The following PRRC2B variants were observed in gnomAD, a reference collection of about 807,000 sequenced individuals.
PRRC2B encodes the protein proline rich coiled-coil 2B, also known as protein PRRC2B.
A neutral mutation model predicts 242.3 loss-of-function variants in PRRC2B; 68 were observed. The observed-to-expected ratio is 0.28, with a 90% CI of 0.23 to 0.34. The LOEUF (loss-of-function observed/expected upper bound fraction) is 0.34. PRRC2B is among the 10% of genes least tolerant of loss of function. The pLI is 1.00. For missense variants in PRRC2B, 2,835 were observed against 2,954.8 expected, an observed-to-expected ratio of 0.96 and a Z score of 0.94; for synonymous variants, 1,228 against 1,173.6, an observed-to-expected ratio of 1.05 and a Z score of -0.95.
intron 26 of PRRC2B, 25 bp downstream of exon 26, chr9:131,486,207 T>C (rs1455119573): frequency 2.0e-6 from 3 of 1,492,252 alleles, no homozygotes; most frequent in Non-Finnish European, 2.8e-6. Context: ...CCAGGTGGCC[T>C]GGCTGGGGGT....
At chr9:131,407,495 T>A (rs1837397539) in intron 1 of PRRC2B, among the ~76,000 whole-genome samples, 1 of 152,146 alleles carries the variant, frequency 6.6e-6, no homozygotes, top group African/African-American at 2.4e-5. Flanking sequence ...CCCTGGCCCT[T>A]ATTTTGGATC....
chr9:131,491,200 A>G (rs1478397860), intron 28 of PRRC2B: 5 of 486,772 alleles, frequency 1.0e-5, no homozygotes, highest in African/African-American at 2.0e-5. Context: ...CTCACCACCT[A>G]CTCTATTCCA....
intron 11 of PRRC2B, among the ~76,000 whole-genome samples, chr9:131,462,854 A>AAAAAG (rs1468302610): frequency 6.6e-6 from 1 of 151,564 alleles, no homozygotes; most frequent in Non-Finnish European, 1.5e-5. Flanking sequence ...AAAAAAAAAA[A>AAAAAG]AAGGTCTCAG....
rs537862503 is a variant in PRRC2B, at chr9:131,477,758, C to A, written c.4421C>A (p.Ala1474Asp). The A allele has an allele frequency of 6.2e-7, 1 of 1,604,952 alleles. No individual in the cohort carries two copies. Among genetic ancestry groups the A allele is most frequent in the Non-Finnish European group, 8.5e-7 (1 of 1,175,040 alleles). Residue 1474 changes from alanine to aspartate, a missense_variant, in exon 17 of 32, where the codon GCC (alanine) becomes GAC (aspartate). Ala to Asp is a moderately radical substitution (Grantham distance 126). Around this residue, in one of 7 missense-constraint regions of PRRC2B, gnomAD observed 1,536 missense variants for 1,483.1 expected, o/e 1.04. Transcript: ENST00000683519. ...PLKVKRSPDEALPGGLSGCSS... is the reference protein window; with the variant it reads ...PLKVKRSPDEDLPGGLSGCSS... Reference sequence around the variant, plus strand: ...TTCCCTTACAGATCCCCAGACGAGGCCTTGCCTGGAGGTCTTAGTGGCTGC... The same window carrying A: ...TTCCCTTACAGATCCCCAGACGAGGACTTGCCTGGAGGTCTTAGTGGCTGC...
At chr9:131,485,880 C>G in intron 25 of PRRC2B, 3 of 717,116 alleles carry the variant, frequency 4.2e-6, no homozygotes, top group South Asian at 1.4e-5. Context: ...TGCACCCTCC[C>G]TACGTTCCCT....
chr9:131,468,606 C>T (rs969769632), intron 13 of PRRC2B, among the ~76,000 whole-genome samples: 5 of 152,086 alleles, frequency 3.3e-5, no homozygotes, highest in African/African-American at 1.2e-4. Context: ...AGTAAGGGAA[C>T]ACAGTAGTCA....
At chr9:131,443,568 G>C (rs1036759109) in intron 5 of PRRC2B, among the ~76,000 whole-genome samples, 1 of 151,982 alleles carries the variant, frequency 6.6e-6, no homozygotes, top group Non-Finnish European at 1.5e-5. Flanking sequence ...TGAGTAGTTG[G>C]GACTACAGGC....
rs749162469 is a variant in PRRC2B, at chr9:131,487,888, C to A, written c.6017C>A (p.Pro2006Gln). 6.2e-7 allele frequency: 1 copy of A among 1,612,526 alleles called. No homozygotes were observed. Among genetic ancestry groups the A allele is most frequent in the East Asian group, 2.2e-5 (1 of 44,800 alleles). ...SQVYMHPSLS[P>Q]PSTMILSGGT... ...GTGTACATGCACCCCAGCCTGTCAC[C>A]GCCCAGCACCATGATCCTCTCTGGG... Residue 2006 changes from proline (P) to glutamine (Q), a missense_variant, in exon 28 of 32, where the codon CCG (proline) becomes CAG (glutamine). This residue lies in a region of PRRC2B where 574 missense variants were observed against 626.0 expected (regional missense o/e 0.92). Transcript: ENST00000683519. This position sits in a 1 kb window ranked among gnomAD's most constrained non-coding sequence, Gnocchi z 5.3.
rs987681378 is a variant in PRRC2B at position 131,494,292 on chromosome 9, C to T, written c.6474-113C>T. On this transcript the variant is annotated intron_variant, in intron 30 of 31. Coordinates refer to ENST00000683519, the MANE Select transcript of PRRC2B (RefSeq NM_013318.4). The surrounding 1 kb of genome is among the most constrained non-coding windows in gnomAD (Gnocchi z 4.3). Reference sequence around the variant, plus strand: ...AGATCCACGGACCGTCCCGAGTGAGCGCCTCTGGCCGCAGGCCCTTCCTTC... The same window carrying T: ...AGATCCACGGACCGTCCCGAGTGAGTGCCTCTGGCCGCAGGCCCTTCCTTC... 32 of 627,172 alleles carry T rather than the reference C, an allele frequency of 5.1e-5. No homozygotes were observed. The highest frequency in any genetic ancestry group is 7.7e-5 in the Non-Finnish European group (27 of 350,092). 38.9% of individuals were successfully genotyped at this position (627,172 alleles called of 1,614,324 possible). A position where few individuals can be genotyped will look rare whatever the true frequency, so the allele number is the denominator to read the frequency against.
At chr9:131,417,372 T>G (rs1027368954) in intron 1 of PRRC2B, among the ~76,000 whole-genome samples, 5 of 152,020 alleles carry the variant, frequency 3.3e-5, no homozygotes, top group Non-Finnish European at 7.4e-5. Context: ...AAGTCTAGAC[T>G]TCTCTTGTTT....
At chr9:131,420,480 T>TCTTTCTTTC (rs1837790191) in intron 1 of PRRC2B, among the ~76,000 whole-genome samples, 1 of 14,696 alleles carries the variant, frequency 6.8e-5, no homozygotes, top group African/African-American at 1.5e-4. Context: ...TTTCTTTCTT[T>TCTTTCTTTC]CTTTCTTTCT....
rs1944407957 is a variant in PRRC2B, at chr9:131,499,283, T to C, written c.*3409T>C. ...ACAGCCATGCTGTGGTCTGGCCTGC[T>C]ACGGCAGCATGGCAGCTCTGGTGGA... On this transcript the variant is annotated 3_prime_UTR_variant, in exon 32 of 32. Transcript: ENST00000683519. The C allele has an allele frequency of 1.3e-5, 2 of 152,194 alleles. No homozygotes were observed. The highest frequency in any genetic ancestry group is 2.9e-5 in the Non-Finnish European group (2 of 68,044). 9.4% of individuals were successfully genotyped at this position (152,194 alleles called of 1,614,324 possible).
At chr9:131,418,611 G>A (rs1233705660) in intron 1 of PRRC2B, among the ~76,000 whole-genome samples, 1 of 152,198 alleles carries the variant, frequency 6.6e-6, no homozygotes, top group Non-Finnish European at 1.5e-5. Context: ...GCTTGCTCCA[G>A]GTGACATCAT....
chr9:131,425,327 G>A (rs1363557891), intron 1 of PRRC2B, among the ~76,000 whole-genome samples: 1 of 152,036 alleles, frequency 6.6e-6, no homozygotes, highest in Non-Finnish European at 1.5e-5. Flanking sequence ...AGGGTATGGG[G>A]AAGTATGAAT....
chr9:131,470,778 CTG>C lies in PRRC2B; in HGVS notation c.1912-7_1912-6del, dbSNP rs1166949211. The C allele has an allele frequency of 6.2e-7, 1 of 1,609,014 alleles. No individual in the cohort carries two copies. The highest frequency in any genetic ancestry group is 1.3e-5 in the African/African-American group (1 of 74,756). ...CCAGCCTGACCAAGTCTCTCTCTCT[CTG>C]TGGGCAGGAGCAGCTGTACAAGATG... is the stretch of plus-strand genomic sequence containing the variant. On this transcript the variant is annotated splice_region_variant and splice_polypyrimidine_tract_variant and intron_variant, in intron 13 of 31. Transcript: ENST00000683519.
In PRRC2B at chr9:131,478,076, GGGCTGGGTTCT is replaced by G; in HGVS notation, c.4612+130_4612+140del. On this transcript the variant is annotated intron_variant, in intron 17 of 31. Coordinates refer to ENST00000683519, the MANE Select transcript of PRRC2B (RefSeq NM_013318.4). ...TTTCGGAACAGCTCGGCCAGGCCCT[GGGCTGGGTTCT>G]GGGGCTGTAGAGGTGAGCAGAGTAG... 5.0e-6 allele frequency: 4 copies of G among 792,082 alleles called. No individual in the cohort carries two copies. In the South Asian group the frequency reaches 6.9e-5, roughly 14 times the overall value. The allele number at this position is 792,082 out of a possible 1,614,324, so 49.1% of individuals were successfully genotyped here.
chr9:131,417,699 A>C (rs1462789129), intron 1 of PRRC2B, among the ~76,000 whole-genome samples: 1 of 152,090 alleles, frequency 6.6e-6, no homozygotes, highest in Non-Finnish European at 1.5e-5. Flanking sequence ...ACAAGCCCTC[A>C]GTCTTTCTGC....
At chr9:131,432,563 T>C (rs1367934750) in intron 2 of PRRC2B, 54 bp from the exon 3 acceptor site, 1 of 1,543,500 alleles carries the variant, frequency 6.5e-7, no homozygotes. Flanking sequence ...ATCAGGCTTC[T>C]TTCCTTCTGT....
intron 1 of PRRC2B, among the ~76,000 whole-genome samples, chr9:131,422,221 A>G (rs1427136576): frequency 1.3e-5 from 2 of 151,604 alleles, no homozygotes; most frequent in African/African-American, 2.4e-5. Context: ...TGCCCAGCTA[A>G]ATTTTGTATT....
Sources: gnomAD v4.1 joint callset for allele counts (sites outside exome capture counted in the v4.1 genomes callset) on GRCh38, gnomAD v4.1.1 for gene constraint, gnomAD v4.1.1 regional missense constraint, Gnocchi (gnomAD v3.1) non-coding constraint, MANE v1.5 for transcripts, NCBI Gene and HGNC (gene_info 2026-07-23, HGNC 2026-07-21) for gene names.